The following ALS2 variants were observed in gnomAD, a reference collection of about 807,000 sequenced individuals.
ALS2 encodes the protein alsin Rho guanine nucleotide exchange factor ALS2.
In ALS2, 117 loss-of-function variants were observed where a neutral mutation model predicts 203.4. The ratio of observed to expected loss-of-function variants is 0.58; its 90% confidence interval spans 0.50 to 0.67. The LOEUF is 0.67. Ranked by LOEUF, ALS2 falls within the 30% of genes least tolerant of loss-of-function variation. The pLI is 0.00. For synonymous variants in ALS2, 718 were observed against 725.9 expected (o/e 0.99, Z 0.17); for missense variants, 1,715 against 1,989.4 (o/e 0.86, Z 2.62).
At chr2:201,711,687 A>G (rs1251411164) in intron 25 of ALS2, among the ~76,000 whole-genome samples, 4 of 152,230 alleles carry the variant, frequency 2.6e-5, no homozygotes, top group Admixed American at 6.5e-5. Context: ...AACACACGCT[A>G]GTAATCAACT....
chr2:201,758,143 A>G (rs1693515873), intron 4 of ALS2, among the ~76,000 whole-genome samples: 1 of 152,204 alleles, frequency 6.6e-6, no homozygotes, highest in Non-Finnish European at 1.5e-5. Flanking sequence ...GATTGAAAAA[A>G]TGCAAATTTC....
intron 24 of ALS2, chr2:201,716,542 C>CAG (rs1411702776): frequency 8.2e-5 from 5 of 60,988 alleles, no homozygotes; most frequent in Non-Finnish European, 1.5e-4. Flanking sequence ...CGCTCCATCT[C>CAG]AAAAAAAAAA....
Position 201,706,974 on chromosome 2 carries a change from C to G in ALS2, c.4452G>C (p.Arg1484=). The G allele has an allele frequency of 6.2e-7, 1 of 1,613,924 alleles. No individual in the cohort carries two copies. Among genetic ancestry groups the G allele is most frequent in the Non-Finnish European group, 8.5e-7 (1 of 1,179,928 alleles). Residue 1484 remains arginine (R), a synonymous_variant, in exon 29 of 34, where the codon CGG becomes CGC. Coordinates refer to ENST00000264276, the MANE Select transcript of ALS2 (RefSeq NM_020919.4). ...AAAGCATAAACAGCGGTGGGTAGAG[C>G]CGAGGTAGCAGCACAGGAAGCAATA... ...SGLLLPVLLP[R]LYPPLFMLYA...
intron 1 of ALS2, among the ~76,000 whole-genome samples, chr2:201,769,294 G>A (rs1177925937): frequency 6.6e-6 from 1 of 152,146 alleles, no homozygotes; most frequent in Non-Finnish European, 1.5e-5. Flanking sequence ...CACACATTAA[G>A]GGTACTTTTT....
At position 201,707,863 on chromosome 2, in the gene ALS2, A is replaced by G; in HGVS notation, c.4403+6T>C. ...TTCTTCACTGTCCCCACCCAACTCCATTTACCCTGGCTCTGGTGATTCAGA... is the reference window on the plus strand; with the variant it reads ...TTCTTCACTGTCCCCACCCAACTCCGTTTACCCTGGCTCTGGTGATTCAGA... On this transcript the variant is annotated splice_donor_region_variant and intron_variant, in intron 28 of 33. Coordinates refer to ENST00000264276, the MANE Select transcript of ALS2 (RefSeq NM_020919.4). The G allele has an allele frequency of 6.2e-7, 1 of 1,612,618 alleles. No individual in the cohort carries two copies. Among genetic ancestry groups the G allele is most frequent in the East Asian group, 2.2e-5 (1 of 44,800 alleles).
At chr2:201,726,578 T>C in intron 18 of ALS2, 29 bp from the exon 19 acceptor site, 1 of 1,609,978 alleles carries the variant, frequency 6.2e-7, no homozygotes, top group Non-Finnish European at 8.5e-7. Context: ...GAATAATGCA[T>C]GTCAACTAAT....
At chr2:201,733,532 G>A in intron 12 of ALS2, 94 bp from the exon 13 acceptor site, 1 of 1,108,766 alleles carries the variant, frequency 9.0e-7, no homozygotes, top group Non-Finnish European at 1.3e-6. Flanking sequence ...ACCTCTTTCA[G>A]AATGCACATT....
At chr2:201,759,861 C>T (rs1053797644) in intron 4 of ALS2, 31 of 985,128 alleles carry the variant, frequency 3.1e-5, no homozygotes, top group Non-Finnish European at 3.4e-5. Context: ...TGTTTTCTTA[C>T]AGTTTTGGTA....
chr2:201,706,366 A>G (rs1433893721), intron 29 of ALS2, among the ~76,000 whole-genome samples: 7 of 146,696 alleles, frequency 4.8e-5, no homozygotes, highest in Non-Finnish European at 1.0e-4. Context: ...TGCCTGCATG[A>G]CAGAGTGAAA....
chr2:201,769,325 A>G (rs7569542), intron 1 of ALS2, among the ~76,000 whole-genome samples: 25,746 of 152,212 alleles, frequency 0.17, 2,498 homozygotes, highest in East Asian at 0.4. Flanking sequence ...TCTGGAATGC[A>G]TGAAGACTTA....
chr2:201,726,487 T>A lies in ALS2; in HGVS notation c.3245A>T (p.Asp1082Val), dbSNP rs575640430. ...ATGTTTTACACAATTTTCTTACCCA[T>A]CTTCCAAGCCATTCCTGAACATGCC... ...YSGMFRNGLE[D>V]GYGEYRIPNK... Residue 1082 changes from aspartate to valine, a missense_variant, in exon 19 of 34, where the codon GAT becomes GTT. Asp to Val is a radical substitution (Grantham distance 152). This residue lies in a region of ALS2 where 1,227 missense variants were observed against 1,413.5 expected (regional missense o/e 0.87). Coordinates refer to ENST00000264276, the MANE Select transcript of ALS2 (RefSeq NM_020919.4). 2 of 1,613,868 alleles carry A rather than the reference T, an allele frequency of 1.2e-6. No homozygotes were observed. Among genetic ancestry groups the A allele is most frequent in the South Asian group, 2.2e-5 (2 of 91,078 alleles).
chr2:201,746,618 A>G lies in ALS2; in HGVS notation c.1946T>C (p.Leu649Pro). The G allele has an allele frequency of 6.2e-7, 1 of 1,614,178 alleles. No homozygotes were observed. The highest frequency in any genetic ancestry group is 8.5e-7 in the Non-Finnish European group (1 of 1,180,032). Residue 649 changes from leucine to proline, a missense_variant, in exon 9 of 34, where the codon CTT (leucine) becomes CCT (proline). Leu to Pro is a moderately conservative substitution (Grantham distance 98). This residue lies in a region of ALS2 where 1,227 missense variants were observed against 1,413.5 expected (regional missense o/e 0.87). Coordinates refer to ENST00000264276, the MANE Select transcript of ALS2 (RefSeq NM_020919.4). ...CTTAGAACCACTGTGATTCTCTGGAAGGTTGTCACCTTCTGTAGGGTCCTG... is the reference window on the plus strand; with the variant it reads ...CTTAGAACCACTGTGATTCTCTGGAGGGTTGTCACCTTCTGTAGGGTCCTG... Reference protein sequence around the residue: ...GRQDPTEGDNLPENHSGSKTP... With the variant: ...GRQDPTEGDNPPENHSGSKTP...
chr2:201,723,186 G>C, intron 22 of ALS2, 66 bp from the exon 23 acceptor site: 3 of 1,420,894 alleles, frequency 2.1e-6, no homozygotes, highest in Non-Finnish European at 3.0e-6. Flanking sequence ...AGTGCACGCA[G>C]TCATATCCCC....
Position 201,749,788 on chromosome 2 carries a change from A to T in ALS2, c.1739T>A (p.Val580Asp), listed in dbSNP as rs765047347. Residue 580 changes from valine (V) to aspartate (D), a missense_variant and splice_region_variant, in exon 8 of 34, where the codon GTT becomes GAT. Val to Asp is a radical substitution (Grantham distance 152). Transcript: ENST00000264276. ...HSLALTAKSQ[V>D]YSWGSNTFGQ... is the part of the protein sequence containing the mutation. Reference sequence around the variant, plus strand: ...AAAGGTATTGCTACCCCATGAGTAAACCTATCAAAAAAACACAGAAAAGTA... The same window carrying T: ...AAAGGTATTGCTACCCCATGAGTAATCCTATCAAAAAAACACAGAAAAGTA... 11 of 1,613,836 alleles carry T rather than the reference A, an allele frequency of 6.8e-6. No homozygotes were observed. The highest frequency in any genetic ancestry group is 1.3e-5 in the African/African-American group (1 of 75,028).
intron 10 of ALS2, 149 bp downstream of exon 10, chr2:201,744,109 A>C (rs1352761105): frequency 5.8e-6 from 5 of 860,630 alleles, no homozygotes; most frequent in Non-Finnish European, 9.0e-6. Flanking sequence ...AACAGTTTGT[A>C]AATTGTTGAC....
chr2:201,704,701 G>T, intron 31 of ALS2, 98 bp from the exon 32 acceptor site: 2 of 1,363,638 alleles, frequency 1.5e-6, no homozygotes, highest in Non-Finnish European at 1.0e-6. Context: ...GGATTCACAT[G>T]CCTTAACCCG....
At chr2:201,720,404 A>C (rs1266323135) in intron 23 of ALS2, among the ~76,000 whole-genome samples, 1 of 152,004 alleles carries the variant, frequency 6.6e-6, no homozygotes, top group Non-Finnish European at 1.5e-5. Flanking sequence ...AAAGCACTTT[A>C]ACAAAAAATG....
At chr2:201,756,880 T>C (rs1278407274) in intron 5 of ALS2, among the ~76,000 whole-genome samples, 2 of 148,268 alleles carry the variant, frequency 1.3e-5, no homozygotes, top group African/African-American at 5.0e-5. Flanking sequence ...GCTGCTGGTC[T>C]GCAGGCCACT....
chr2:201,763,485 C>T (rs900328504), intron 3 of ALS2: 22 of 282,062 alleles, frequency 7.8e-5, no homozygotes, highest in African/African-American at 4.4e-4. Context: ...TTCACCAAGT[C>T]TCCGTATCAG....
Sources: allele counts gnomAD v4.1 joint callset (sites outside exome capture counted in the v4.1 genomes callset), GRCh38; gene constraint gnomAD v4.1.1; regional missense constraint gnomAD v4.1.1; transcripts MANE v1.5; gene names NCBI Gene and HGNC (gene_info 2026-07-23, HGNC 2026-07-21).